Variants in SLC38A10 observed in about 807,000 individuals in gnomAD.
SLC38A10 encodes solute carrier family 38 member 10, also known as Sodium-coupled neutral amino acid transporter 10.
SLC38A10 carries 53 observed loss-of-function variants against 81.0 expected under a neutral mutation model. The observed-to-expected ratio is 0.65, with a 90% CI of 0.53 to 0.82. SLC38A10 has a LOEUF of 0.82. Among genes scored for constraint, SLC38A10 ranks in the 40% least tolerant of loss-of-function variants. The pLI is 0.00. For missense variants in SLC38A10, 1,471 were observed against 1,545.0 expected (o/e 0.95, Z 0.80); for synonymous variants, 665 against 655.3 (o/e 1.01, Z -0.23).
At chr17:81,252,754 G>A (rs1271936977) in intron 12 of SLC38A10, 71 bp from the exon 13 acceptor site, 6 of 1,513,624 alleles carry the variant, frequency 4.0e-6, no homozygotes, top group Non-Finnish European at 5.3e-6. Flanking sequence ...ATTAGAACTG[G>A]GTTCTTCCCT....
At chr17:81,256,828 T>C (rs1443022443) in intron 11 of SLC38A10, among the ~76,000 whole-genome samples, 2 of 152,230 alleles carry the variant, frequency 1.3e-5, no homozygotes, top group Non-Finnish European at 2.9e-5. Flanking sequence ...GGTCTGATCT[T>C]TGCGAATGTG....
At chr17:81,252,792 A>G (rs2062932315) in intron 12 of SLC38A10, 109 bp from the exon 13 acceptor site, 1 of 1,450,880 alleles carries the variant, frequency 6.9e-7, no homozygotes, top group African/African-American at 1.4e-5. Context: ...AGTGTGACAC[A>G]GGCCAACAGA....
At position 81,245,825 on chromosome 17, in the gene SLC38A10, TC is replaced by T; in HGVS notation, c.3090del (p.Arg1031GlyfsTer11). The T allele has an allele frequency of 6.2e-7, 1 of 1,610,744 alleles. No homozygotes were observed. Among genetic ancestry groups the T allele is most frequent in the South Asian group, 1.1e-5 (1 of 91,018 alleles). On this transcript the variant is annotated frameshift_variant, in exon 16 of 16. Transcript: ENST00000374759. LOFTEE classifies it low-confidence loss of function (END_TRUNC). ...CGGTTGGGCTTGGCATTGTCCGGCC[TC>T]TGGCCCCCCGGGACAGCTCGTTTGA... The part of the protein sequence containing the change: ...LGLKRAVPGG[Q>X]RPDNAKPNRD...
At chr17:81,271,066 C>T (rs762004486) in intron 9 of SLC38A10, 42 bp from the exon 10 acceptor site, 13 of 1,546,306 alleles carry the variant, frequency 8.4e-6, no homozygotes, top group African/African-American at 1.4e-5. Flanking sequence ...TGGGGAAGGG[C>T]TCTGGGAAGG....
In SLC38A10 at chr17:81,251,530, C is replaced by A. The variant is rs55872261; in HGVS notation, c.2028G>T (p.Glu676Asp). ...PPEPREQRDV[E>D]RAGGNQAASQ... ...TGGCCGCCTGGTTTCCACCCGCTCG[C>A]TCCACGTCCCTCTGCTCGCGAGGCT... The change falls in exon 14 of 16, where the codon GAG becomes GAT. Residue 676 changes from glutamate to aspartate, a missense_variant. Transcript: ENST00000374759. 71,491 of 1,568,870 alleles carry A rather than the reference C, an allele frequency of 0.046. 1,753 individuals are homozygous for A. Among genetic ancestry groups the A allele is most frequent in the Middle Eastern group, 0.071 (326 of 4,584 alleles).
rs114339785 is a variant in SLC38A10, at chr17:81,282,175, C to T, written c.501+14G>A. On this transcript the variant is annotated intron_variant, in intron 5 of 15. Coordinates refer to ENST00000374759, the MANE Select transcript of SLC38A10 (RefSeq NM_001037984.3). ...CAGCCTTTCAGCGGGTACCCACGCGCGCTGCCGACTCACCACGAACATGAA... is the reference window on the plus strand; with the variant it reads ...CAGCCTTTCAGCGGGTACCCACGCGTGCTGCCGACTCACCACGAACATGAA... 1.3e-3 allele frequency: 2,137 copies of T among 1,612,556 alleles called. 24 individuals carry two copies. The African/African-American group carries it at 0.026, about 19-fold the overall frequency.
Position 81,246,516 on chromosome 17 carries a change from C to T in SLC38A10, c.2400G>A (p.Gln800=), listed in dbSNP as rs755968510. 1.3e-6 allele frequency: 2 copies of T among 1,530,094 alleles called. No homozygotes were observed. The highest frequency in any genetic ancestry group is 1.8e-6 in the Non-Finnish European group (2 of 1,141,160). The allele number at this position is 1,530,094 out of a possible 1,614,324, so 94.8% of individuals were successfully genotyped here. A position where few individuals can be genotyped will look rare whatever the true frequency, so the allele number is the denominator to read the frequency against. ...GRPAPSQDLN[Q]RSLEHSEGPV... is the part of the protein sequence containing the mutation. ...GCCCCTCAGAGTGCTCCAGGGAGCG[C>T]TGGTTAAGGTCCTGGGATGGAGCAG... Residue 800 remains glutamine, a synonymous_variant, in exon 16 of 16, where the codon CAG becomes CAA. Transcript: ENST00000374759.
At chr17:81,254,740 C>T (rs1016563787) in intron 11 of SLC38A10, among the ~76,000 whole-genome samples, 1 of 152,258 alleles carries the variant, frequency 6.6e-6, no homozygotes, top group Non-Finnish European at 1.5e-5. Context: ...GCCACCGCGC[C>T]TGGCCCAAGT....
chr17:81,258,495 G>A lies in SLC38A10; in HGVS notation c.1288+1743C>T, dbSNP rs527837720. On this transcript the variant is annotated intron_variant, in intron 11 of 15. Transcript: ENST00000374759. ...ATGACGGGATACAGCTGCTTGCACC[G>A]GCCGCAGGCAGAGGCGGCGCAGTGC... Among the ~76,000 whole-genome samples the A allele has an allele frequency of 5.3e-5, 8 of 152,224 alleles. No individual in the cohort carries two copies. The East Asian group carries it at 9.7e-4, about 18-fold the overall frequency.
chr17:81,261,749 C>G (rs927709546), intron 10 of SLC38A10, among the ~76,000 whole-genome samples: 1 of 152,220 alleles, frequency 6.6e-6, no homozygotes, highest in Non-Finnish European at 1.5e-5. Context: ...CCGAAGGGAG[C>G]CCGGCCGCAA....
intron 10 of SLC38A10, among the ~76,000 whole-genome samples, chr17:81,262,437 C>A (rs946541566): frequency 1.3e-5 from 2 of 152,208 alleles, no homozygotes; most frequent in African/African-American, 4.8e-5. Context: ...GTGTGGGAAT[C>A]CTGCCCCGCA....
At chr17:81,287,460 C>G (rs1004400792) in intron 2 of SLC38A10, among the ~76,000 whole-genome samples, 1 of 152,228 alleles carries the variant, frequency 6.6e-6, no homozygotes, top group South Asian at 2.1e-4. Flanking sequence ...CCTCTCCCAG[C>G]GCGGGTCTCC....
Position 81,246,013 on chromosome 17 carries a change from T to C in SLC38A10, c.2903A>G (p.Glu968Gly), listed in dbSNP as rs1567919573. The C allele has an allele frequency of 6.2e-7, 1 of 1,609,224 alleles. No individual in the cohort carries two copies. Among genetic ancestry groups the C allele is most frequent in the Non-Finnish European group, 8.5e-7 (1 of 1,178,198 alleles). Residue 968 changes from glutamate (E) to glycine (G), a missense_variant, in exon 16 of 16, where the codon GAG becomes GGG. By Grantham distance (98) the Glu-to-Gly change is moderately conservative (BLOSUM62 -2). Around this residue, in one of 2 missense-constraint regions of SLC38A10, gnomAD observed 751 missense variants for 717.4 expected, o/e 1.05. Coordinates refer to ENST00000374759, the MANE Select transcript of SLC38A10 (RefSeq NM_001037984.3). ...CCGGTGGCCCTGCTGTCCACCCTGC[T>C]CGCCATCAGAGATGACCCGCAGTTC... Reference protein sequence around the residue: ...QPELRVISDGEQGGQQGHRLD... With the variant: ...QPELRVISDGGQGGQQGHRLD...
At chr17:81,279,754 G>A (rs990295938) in intron 6 of SLC38A10, 5 of 157,022 alleles carry the variant, frequency 3.2e-5, no homozygotes, top group Admixed American at 6.5e-5. Context: ...AGGGCAACTG[G>A]TAACTAGGTA....
chr17:81,275,912 T>C lies in SLC38A10; in HGVS notation c.912+57A>G, dbSNP rs551757762. 38 of 1,526,150 alleles carry C rather than the reference T, an allele frequency of 2.5e-5. No homozygotes were observed. The African/African-American group carries it at 4.6e-4, about 18-fold the overall frequency. 94.5% of individuals were successfully genotyped at this position (1,526,150 alleles called of 1,614,324 possible). The stretch of plus-strand genomic sequence containing the variant: ...CTGGTTCGGGACAGCTGGGGGCTTA[T>C]GGGAAGCGAGCCTGACCTGTGCTAT... On this transcript the variant is annotated intron_variant, in intron 8 of 15. Transcript: ENST00000374759.
At chr17:81,261,884 C>T (rs1005726566) in intron 10 of SLC38A10, among the ~76,000 whole-genome samples, 1 of 152,218 alleles carries the variant, frequency 6.6e-6, no homozygotes, top group Non-Finnish European at 1.5e-5. Context: ...GTCTGATGTA[C>T]GTTCCGGAGG....
At chr17:81,258,992 C>A (rs975869946) in intron 11 of SLC38A10, among the ~76,000 whole-genome samples, 2 of 152,234 alleles carry the variant, frequency 1.3e-5, no homozygotes, top group Non-Finnish European at 2.9e-5. Context: ...ATGAGCACAG[C>A]GGATCCAGGA....
At position 81,253,989 on chromosome 17, in the gene SLC38A10, A is replaced by G. The variant is rs1442266990; in HGVS notation, c.1289-749T>C. ...TCTCCATCCCCACCACCATCGCTGC[A>G]TCATTGCCACCACCTCCATAATCAT... On this transcript the variant is annotated intron_variant, in intron 11 of 15. Transcript: ENST00000374759. This position sits in a 1 kb window ranked among gnomAD's most constrained non-coding sequence, Gnocchi z 4.1. Among the ~76,000 whole-genome samples, 2 of 151,724 alleles carry G rather than the reference A, an allele frequency of 1.3e-5. No homozygotes were observed. The highest frequency in any genetic ancestry group is 3.9e-4 in the East Asian group (2 of 5,142).
At chr17:81,274,655 A>G (rs954195805) in intron 8 of SLC38A10, among the ~76,000 whole-genome samples, 3 of 151,988 alleles carry the variant, frequency 2.0e-5, no homozygotes, top group African/African-American at 7.3e-5. Context: ...TGGCGTCTGC[A>G]CCCCCATGCT....
Sources: allele counts gnomAD v4.1 joint callset (sites outside exome capture counted in the v4.1 genomes callset), GRCh38; gene constraint gnomAD v4.1.1; regional missense constraint gnomAD v4.1.1; non-coding constraint Gnocchi (gnomAD v3.1); transcripts MANE v1.5; gene names NCBI Gene and HGNC (gene_info 2026-07-23, HGNC 2026-07-21).